Variants in CSMD2 observed in about 807,000 individuals in gnomAD.
CSMD2 encodes CUB and Sushi multiple domains 2, also known as CUB and sushi domain-containing protein 2.
In CSMD2, 130 loss-of-function variants were observed where a neutral mutation model predicts 398.5. The observed-to-expected ratio is 0.33, with a 90% CI of 0.28 to 0.38. The LOEUF (loss-of-function observed/expected upper bound fraction) is 0.38, where lower values mean the gene tolerates loss of function less well. Among genes scored for constraint, CSMD2 ranks in the 10% least tolerant of loss-of-function variants. The pLI, the probability that CSMD2 is intolerant of heterozygous loss-of-function variation, is 1.00. For missense variants in CSMD2, 3,829 were observed against 4,764.9 expected, an observed-to-expected ratio of 0.80 and a Z score of 5.78; for synonymous variants, 1,828 against 1,908.5, an observed-to-expected ratio of 0.96 and a Z score of 1.10.
chr1:33,593,266 A>C (rs1639595350), intron 44 of CSMD2, among the ~76,000 whole-genome samples: 1 of 152,226 alleles, frequency 6.6e-6, no homozygotes, highest in South Asian at 2.1e-4. Flanking sequence ...TTTTATCTTT[A>C]AACTGTGTCA....
rs5773448 is a variant in CSMD2, at chr1:34,040,207, TA to T, written c.405-7502del. 6.1e-4 allele frequency among the ~76,000 whole-genome samples: 91 copies of T among 148,790 alleles called. 1 individual carries two copies. The highest frequency in any genetic ancestry group is 1.8e-3 in the African/African-American group (74 of 40,618). ...TCCTGACTCAAAAAAAAAATTAAAT[TA>T]AAAAAAAAATAATAAAAGACTTAGT... On this transcript the variant is annotated intron_variant, in intron 2 of 70. Coordinates refer to ENST00000373381, the MANE Select transcript of CSMD2 (RefSeq NM_001281956.2).
intron 25 of CSMD2, among the ~76,000 whole-genome samples, chr1:33,684,313 G>A (rs1644997154): frequency 6.6e-6 from 1 of 152,178 alleles, no homozygotes; most frequent in African/African-American, 2.4e-5. Flanking sequence ...TATCCCTGAA[G>A]TTAAAAAACA....
At chr1:33,864,855 G>C in intron 5 of CSMD2, 1 of 944,332 alleles carries the variant, frequency 1.1e-6, no homozygotes, top group Non-Finnish European at 1.5e-6. Context: ...GTGGAGGAGG[G>C]AGTGGCTTGG....
intron 6 of CSMD2, among the ~76,000 whole-genome samples, chr1:33,845,399 C>T (rs944217714): frequency 1.3e-5 from 2 of 152,370 alleles, no homozygotes; most frequent in East Asian, 1.9e-4. Flanking sequence ...GATGTGGAAT[C>T]GATGTGTGAT....
chr1:34,084,636 C>T (rs1657648693), intron 2 of CSMD2, among the ~76,000 whole-genome samples: 1 of 152,020 alleles, frequency 6.6e-6, no homozygotes, highest in African/African-American at 2.4e-5. Context: ...AAAATGCTCA[C>T]CATCACTGGC....
intron 28 of CSMD2, among the ~76,000 whole-genome samples, chr1:33,647,239 A>G (rs1034122587): frequency 6.6e-6 from 1 of 152,224 alleles, no homozygotes; most frequent in Admixed American, 6.5e-5. Context: ...TTTCTAAGAG[A>G]GAATGAGCCA....
intron 2 of CSMD2, among the ~76,000 whole-genome samples, chr1:34,085,569 T>C (rs942935671): frequency 2.6e-5 from 4 of 152,116 alleles, no homozygotes; most frequent in Non-Finnish European, 5.9e-5. Context: ...TTCAATTTCC[T>C]GCAATAGTTG....
At chr1:33,909,251 T>A (rs985317405) in intron 5 of CSMD2, among the ~76,000 whole-genome samples, 9 of 151,836 alleles carry the variant, frequency 5.9e-5, no homozygotes, top group Non-Finnish European at 1.2e-4. Context: ...AATAGGACAT[T>A]GAGATGATAA....
At chr1:33,729,658 G>T (rs960005572) in intron 15 of CSMD2, among the ~76,000 whole-genome samples, 1 of 150,992 alleles carries the variant, frequency 6.6e-6, no homozygotes, top group East Asian at 1.9e-4. Flanking sequence ...AGTCCCCAGA[G>T]TGTGATGTTG....
At chr1:33,542,153 A>T (rs1279807152) in intron 58 of CSMD2, among the ~76,000 whole-genome samples, 3 of 152,200 alleles carry the variant, frequency 2.0e-5, no homozygotes, top group Non-Finnish European at 2.9e-5. Flanking sequence ...TCTTCCCTCC[A>T]TCTGGATCCC....
intron 1 of CSMD2, among the ~76,000 whole-genome samples, chr1:34,116,673 C>A (rs1452944429): frequency 1.3e-5 from 2 of 152,034 alleles, no homozygotes; most frequent in East Asian, 3.8e-4. Context: ...GAATACCCTA[C>A]CCAACAACAG....
At chr1:34,081,438 C>T (rs1657106756) in intron 2 of CSMD2, among the ~76,000 whole-genome samples, 1 of 148,754 alleles carries the variant, frequency 6.7e-6, no homozygotes, top group African/African-American at 2.5e-5. Context: ...CCCTCTTCTT[C>T]GTCTCCCGCT....
intron 2 of CSMD2, among the ~76,000 whole-genome samples, chr1:34,052,093 G>C (rs1160727624): frequency 6.6e-6 from 1 of 151,222 alleles, no homozygotes; most frequent in Non-Finnish European, 1.5e-5. Context: ...AGCTTTCCTG[G>C]GTCTCCAGCT....
chr1:34,165,243 C>G, upstream of CSMD2: 1 of 1,179,184 alleles, frequency 8.5e-7, no homozygotes, highest in South Asian at 4.3e-5. Flanking sequence ...ACCAAGTGTC[C>G]GCCCGGCCGG....
In CSMD2 at chr1:33,940,179, T is replaced by C. The variant is rs567968299; in HGVS notation, c.518-4225A>G. 3.9e-5 allele frequency among the ~76,000 whole-genome samples: 6 copies of C among 152,274 alleles called. No homozygotes were observed. In the East Asian group the frequency reaches 9.7e-4, roughly 25 times the overall value. ...TTGGCTTGCAGATGCGTCATTCCAA[T>C]CCTCTGTCTTCACACGGTGTTCTCT... On this transcript the variant is annotated intron_variant, in intron 3 of 70. Transcript: ENST00000373381.
intron 6 of CSMD2, among the ~76,000 whole-genome samples, chr1:33,832,224 A>T (rs978730091): frequency 1.7e-4 from 26 of 151,776 alleles, no homozygotes; most frequent in Non-Finnish European, 3.2e-4. Flanking sequence ...TTTCAGCACC[A>T]CACCATAACT....
intron 62 of CSMD2, among the ~76,000 whole-genome samples, chr1:33,536,254 C>T (rs1192042386): frequency 9.2e-5 from 14 of 152,170 alleles, no homozygotes; most frequent in Admixed American, 7.9e-4. Flanking sequence ...GACCGAGTCT[C>T]GCTCTGTTGC....
At position 33,574,440 on chromosome 1, in the gene CSMD2, G is replaced by A. The variant is rs1659884236; in HGVS notation, c.7577-1749C>T. Reference sequence around the variant, plus strand: ...ATCCTTGCTCTTTGACAGCTCAGGGGGTATTACAGATGGAAAGATTAATCC... The same window carrying A: ...ATCCTTGCTCTTTGACAGCTCAGGGAGTATTACAGATGGAAAGATTAATCC... On this transcript the variant is annotated intron_variant, in intron 49 of 70. Coordinates refer to ENST00000373381, the MANE Select transcript of CSMD2 (RefSeq NM_001281956.2). Among the ~76,000 whole-genome samples the A allele has an allele frequency of 3.3e-5, 5 of 152,232 alleles. No individual in the cohort carries two copies. The South Asian group carries it at 1.0e-3, about 32-fold the overall frequency.
At chr1:33,643,524 T>G (rs1643232443) in intron 29 of CSMD2, among the ~76,000 whole-genome samples, 1 of 152,208 alleles carries the variant, frequency 6.6e-6, no homozygotes, top group Non-Finnish European at 1.5e-5. Context: ...CACTGGGCAC[T>G]CTGCTTGATG....
Sources: gnomAD v4.1 joint callset for allele counts (sites outside exome capture counted in the v4.1 genomes callset) on GRCh38, gnomAD v4.1.1 for gene constraint, MANE v1.5 for transcripts, NCBI Gene and HGNC (gene_info 2026-07-23, HGNC 2026-07-21) for gene names.